Variants in RIOK3 observed in about 807,000 individuals in gnomAD.
RIOK3 encodes the protein serine/threonine-protein kinase RIO3.
In RIOK3, 40 loss-of-function variants were observed where a neutral mutation model predicts 63.5. The observed-to-expected ratio is 0.63, with a 90% CI of 0.49 to 0.82. The LOEUF (loss-of-function observed/expected upper bound fraction) is 0.82. Among genes scored for constraint, RIOK3 ranks in the 40% least tolerant of loss-of-function variants. The probability of loss-of-function intolerance (pLI) is 0.00; values close to 1 mark genes in which losing one functional copy is unlikely to be tolerated. For synonymous variants in RIOK3, 193 were observed against 205.0 expected (o/e 0.94, Z 0.50); for missense variants, 557 against 637.0 (o/e 0.87, Z 1.35).
intron 7 of RIOK3, 96 bp downstream of exon 7, chr18:23,467,622 C>G: frequency 8.4e-7 from 1 of 1,193,854 alleles, no homozygotes; most frequent in Non-Finnish European, 1.2e-6. Flanking sequence ...TGCTGCATGG[C>G]AAGCAGAGTA....
chr18:23,461,786 A>T (rs114312473), intron 1 of RIOK3, among the ~76,000 whole-genome samples: 131 of 152,108 alleles, frequency 8.6e-4, no homozygotes, highest in African/African-American at 3.1e-3. Flanking sequence ...TCAGCTTCTA[A>T]AGTTCAGAAA....
At chr18:23,476,445 T>C (rs1486729270) in intron 9 of RIOK3, among the ~76,000 whole-genome samples, 1 of 152,188 alleles carries the variant, frequency 6.6e-6, no homozygotes, top group African/African-American at 2.4e-5. Context: ...AGAAAGGTGA[T>C]CCACCTTTCT....
At chr18:23,464,887 A>G (rs901153399) in intron 5 of RIOK3, among the ~76,000 whole-genome samples, 3 of 152,222 alleles carry the variant, frequency 2.0e-5, no homozygotes, top group African/African-American at 7.2e-5. Flanking sequence ...TTATTATGAA[A>G]TTAACATTTA....
rs760080932 is a variant in RIOK3 at position 23,481,196 on chromosome 18, G to A, written c.1477G>A (p.Glu493Lys). 25 of 1,611,618 alleles carry A rather than the reference G, an allele frequency of 1.6e-5. No homozygotes were observed. The highest frequency in any genetic ancestry group is 2.0e-5 in the Non-Finnish European group (24 of 1,178,348). The change falls in exon 13 of 13, where the codon GAA becomes AAA. Residue 493 changes from glutamate to lysine, a missense_variant. Physicochemically the swap from Glu to Lys is moderately conservative, Grantham distance 56. Coordinates refer to ENST00000339486, the MANE Select transcript of RIOK3 (RefSeq NM_003831.5). ...AEIEALEKMNEDHVQKNGRKA... is the reference protein window; with the variant it reads ...AEIEALEKMNKDHVQKNGRKA... ...GATAGAAGCTTTGGAGAAAATGAAT[G>A]AAGATCACGTTCAGAAGAATGGAAG... is the stretch of plus-strand genomic sequence containing the variant.
intron 5 of RIOK3, among the ~76,000 whole-genome samples, chr18:23,465,306 G>A (rs1421885037): frequency 1.3e-5 from 2 of 152,236 alleles, no homozygotes; most frequent in Non-Finnish European, 1.5e-5. Flanking sequence ...GGGAGGCAGA[G>A]GTTGTAGTGA....
intron 1 of RIOK3, among the ~76,000 whole-genome samples, chr18:23,454,569 A>AATAT (rs1403628279): frequency 6.6e-6 from 1 of 152,232 alleles, no homozygotes; most frequent in Non-Finnish European, 1.5e-5. Context: ...TAGTATTATG[A>AATAT]ATATATACCC....
chr18:23,482,836 AAT>A lies in RIOK3; in HGVS notation c.*1560_*1561del, dbSNP rs993831851. The A allele has an allele frequency of 4.6e-5, 7 of 152,282 alleles. No homozygotes were observed. Among genetic ancestry groups the A allele is most frequent in the Admixed American group, 1.3e-4 (2 of 15,282 alleles). 9.4% of individuals were successfully genotyped at this position (152,282 alleles called of 1,614,324 possible). On this transcript the variant is annotated 3_prime_UTR_variant, in exon 13 of 13. Coordinates refer to ENST00000339486, the MANE Select transcript of RIOK3 (RefSeq NM_003831.5). ...ATGCCAAATATGTTCTTTCTAGAAA[AAT>A]ATTTATTTTTGTTTTTGTTGGATAG...
In RIOK3 at chr18:23,474,794, G is replaced by T. The variant is rs141039623; in HGVS notation, c.1014-154G>T. ...CCATCAGTCCCTGAGCTCTCTATGGGCAGAGGCTGTGTTTTACTGTCTTTG... is the reference window on the plus strand; with the variant it reads ...CCATCAGTCCCTGAGCTCTCTATGGTCAGAGGCTGTGTTTTACTGTCTTTG... On this transcript the variant is annotated intron_variant, in intron 8 of 12. Transcript: ENST00000339486. 2.1e-4 allele frequency among the ~76,000 whole-genome samples: 32 copies of T among 152,290 alleles called. 1 individual carries two copies. The highest frequency in any genetic ancestry group is 4.1e-4 in the Non-Finnish European group (28 of 68,024).
intron 12 of RIOK3, among the ~76,000 whole-genome samples, chr18:23,480,551 GCACGCACACACACACA>G (rs2057524381): frequency 4.3e-5 from 2 of 46,846 alleles, no homozygotes; most frequent in African/African-American, 1.6e-4. Context: ...ATACTTGGAT[GCACGCACACACACACA>G]CACACACACA....
At chr18:23,476,710 C>T (rs754434835) in intron 9 of RIOK3, among the ~76,000 whole-genome samples, 28 of 151,952 alleles carry the variant, frequency 1.8e-4, no homozygotes, top group Non-Finnish European at 3.7e-4. Context: ...AGATTGAGAC[C>T]ATCCTAACTA....
At chr18:23,467,766 AT>A (rs1555756492) in intron 7 of RIOK3, among the ~76,000 whole-genome samples, 1 of 102,572 alleles carries the variant, frequency 9.7e-6, no homozygotes, top group African/African-American at 5.2e-5. Flanking sequence ...CAATGCGTAT[AT>A]TATTATTATT....
chr18:23,468,293 C>CTATTTTTT (rs2057423950), intron 7 of RIOK3, among the ~76,000 whole-genome samples: 6 of 46,476 alleles, frequency 1.3e-4, no homozygotes, highest in African/African-American at 6.2e-4. Context: ...CAATATACTC[C>CTATTTTTT]TTTTTTTTTT....
At chr18:23,461,523 G>A (rs1425956975) in intron 1 of RIOK3, among the ~76,000 whole-genome samples, 1 of 152,210 alleles carries the variant, frequency 6.6e-6, no homozygotes, top group Non-Finnish European at 1.5e-5. Context: ...GAAGAGGGAT[G>A]GAAAGAGTTG....
At position 23,463,634 on chromosome 18, in the gene RIOK3, C is replaced by G. The variant is rs140184244; in HGVS notation, c.180-333C>G. Among the ~76,000 whole-genome samples, 373 of 152,236 alleles carry G rather than the reference C, an allele frequency of 2.5e-3. 1 individual carries two copies. Among genetic ancestry groups the G allele is most frequent in the African/African-American group, 8.7e-3 (362 of 41,536 alleles). Reference sequence around the variant, plus strand: ...ATGTTGGTCAGGTTGGTCTCGAACTCCTGACCTCAGATGATCCGCCAGCCT... The same window carrying G: ...ATGTTGGTCAGGTTGGTCTCGAACTGCTGACCTCAGATGATCCGCCAGCCT... On this transcript the variant is annotated intron_variant, in intron 2 of 12. Coordinates refer to ENST00000339486, the MANE Select transcript of RIOK3 (RefSeq NM_003831.5).
At chr18:23,474,368 A>G in intron 8 of RIOK3, among the ~76,000 whole-genome samples, 1 of 152,164 alleles carries the variant, frequency 6.6e-6, no homozygotes, top group Admixed American at 6.5e-5. Context: ...CCTTGTCTCA[A>G]AAAGAAAAAA....
Position 23,475,059 on chromosome 18 carries a change from A to G in RIOK3, c.1125A>G (p.Val375=), listed in dbSNP as rs2057480177. The change falls in exon 9 of 13, where the codon GTA becomes GTG. Residue 375 remains valine, a synonymous_variant. Transcript: ENST00000339486. ...TTCCAGCCCCTAAATTAAAAGAAGT[A>G]AAGCTCAATAGTGAAGAAATGAAAG... ...DQVPAPKLKE[V]KLNSEEMKEA... The G allele has an allele frequency of 6.2e-7, 1 of 1,613,590 alleles. No homozygotes were observed. The highest frequency in any genetic ancestry group is 8.5e-7 in the Non-Finnish European group (1 of 1,179,676).
Position 23,476,991 on chromosome 18 carries a change from C to A in RIOK3, c.1174-15C>A. The A allele has an allele frequency of 6.2e-7, 1 of 1,607,240 alleles. No homozygotes were observed. Among genetic ancestry groups the A allele is most frequent in the Non-Finnish European group, 8.5e-7 (1 of 1,174,602 alleles). ...TAATTATTCATTTCCTAATGTGTGCCTTCCCTCTTCACAGTTGATGCGGCA... is the reference window on the plus strand; with the variant it reads ...TAATTATTCATTTCCTAATGTGTGCATTCCCTCTTCACAGTTGATGCGGCA... On this transcript the variant is annotated splice_polypyrimidine_tract_variant and intron_variant, in intron 9 of 12. Coordinates refer to ENST00000339486, the MANE Select transcript of RIOK3 (RefSeq NM_003831.5).
chr18:23,455,286 G>A (rs964700480), intron 1 of RIOK3, among the ~76,000 whole-genome samples: 1 of 151,842 alleles, frequency 6.6e-6, no homozygotes, highest in African/African-American at 2.4e-5. Context: ...TATTGGCCAG[G>A]CTGGTCTCAA....
At chr18:23,454,017 C>T (rs2057322218) in intron 1 of RIOK3, among the ~76,000 whole-genome samples, 1 of 152,208 alleles carries the variant, frequency 6.6e-6, no homozygotes, top group Admixed American at 6.5e-5. Context: ...CAAGTGCGCA[C>T]CACGGACTGT....
Sources: gnomAD v4.1 joint callset for allele counts (sites outside exome capture counted in the v4.1 genomes callset) on GRCh38, gnomAD v4.1.1 for gene constraint, MANE v1.5 for transcripts, NCBI Gene and HGNC (gene_info 2026-07-23, HGNC 2026-07-21) for gene names.